PRDM1: variants seen among roughly 807,000 people sequenced by gnomAD.
PRDM1 encodes the protein PR/SET domain 1, also known as PR domain zinc finger protein 1.
PRDM1 carries 13 observed loss-of-function variants against 62.8 expected under a neutral mutation model. The observed-to-expected ratio is 0.21, with a 90% CI of 0.13 to 0.33. The LOEUF (loss-of-function observed/expected upper bound fraction) is 0.33, where lower values mean the gene tolerates loss of function less well. PRDM1 is among the 10% of genes least tolerant of loss of function. PRDM1 has a pLI of 1.00. For synonymous variants in PRDM1, 396 were observed against 417.6 expected (o/e 0.95, Z 0.63); for missense variants, 895 against 1,058.8 (o/e 0.85, Z 2.15).
intron 1 of PRDM1, among the ~76,000 whole-genome samples, chr6:106,022,926 A>G (rs1236494729): frequency 1.3e-5 from 2 of 152,218 alleles, no homozygotes; most frequent in Non-Finnish European, 2.9e-5. Context: ...ATACTAATTA[A>G]GGAGCTGTTC....
rs531524788 is a variant in PRDM1 at position 106,099,279 on chromosome 6, C to T, written c.412-21C>T. ...TTTGGGTCTGACTTCCTTTTACATG[C>T]CTGTCTTCTCTTTTGGACAGATCTA... is the stretch of plus-strand genomic sequence containing the variant. On this transcript the variant is annotated intron_variant, in intron 3 of 6. Coordinates refer to ENST00000369096, the MANE Select transcript of PRDM1 (RefSeq NM_001198.4). 1,294 of 1,613,116 alleles carry T rather than the reference C, an allele frequency of 8.0e-4. 25 individuals carry two copies. The South Asian group carries it at 0.013, about 17-fold the overall frequency.
At chr6:106,028,600 T>G (rs1158385536) in intron 1 of PRDM1, among the ~76,000 whole-genome samples, 1 of 152,222 alleles carries the variant, frequency 6.6e-6, no homozygotes, top group Non-Finnish European at 1.5e-5. Context: ...TATGATTCCA[T>G]TTTTGGCTTT....
At chr6:106,027,452 C>T (rs1772779490) in intron 1 of PRDM1, among the ~76,000 whole-genome samples, 1 of 152,140 alleles carries the variant, frequency 6.6e-6, no homozygotes, top group South Asian at 2.1e-4. Context: ...CGACAGAATG[C>T]GGATGGTCCG....
intron 1 of PRDM1, 192 bp from the exon 2 acceptor site, chr6:106,088,009 G>A: frequency 1.0e-5 from 2 of 200,308 alleles, no homozygotes; most frequent in Non-Finnish European, 1.8e-5. Context: ...TTAACTAAGA[G>A]TAGCATTTAA....
chr6:106,022,589 T>G (rs1195700329), intron 1 of PRDM1, among the ~76,000 whole-genome samples: 1 of 152,158 alleles, frequency 6.6e-6, no homozygotes, highest in Non-Finnish European at 1.5e-5. Flanking sequence ...CAAGCCTGGC[T>G]AATTTTTGTA....
intron 3 of PRDM1, chr6:106,098,847 A>T: frequency 6.5e-7 from 1 of 1,528,022 alleles, no homozygotes; most frequent in East Asian, 2.5e-5. Flanking sequence ...GAGGCCATAG[A>T]AAAAGCTAAG....
At chr6:106,065,781 G>C (rs1773423411) in intron 1 of PRDM1, among the ~76,000 whole-genome samples, 1 of 152,190 alleles carries the variant, frequency 6.6e-6, no homozygotes, top group Non-Finnish European at 1.5e-5. Flanking sequence ...CTGCTTCCAT[G>C]GATTGAACCC....
chr6:106,026,425 G>T (rs1267377839), intron 1 of PRDM1, among the ~76,000 whole-genome samples: 1 of 152,250 alleles, frequency 6.6e-6, no homozygotes, highest in Middle Eastern at 3.4e-3. Flanking sequence ...GTTGCAGCGA[G>T]CCAAGATCGT....
chr6:106,091,236 C>A (rs1278243417), intron 2 of PRDM1, among the ~76,000 whole-genome samples: 2 of 152,174 alleles, frequency 1.3e-5, no homozygotes, highest in Admixed American at 1.3e-4. Context: ...CTGTGAGTCT[C>A]ACCTCCCTGT....
At chr6:106,032,410 C>A (rs371370500) in intron 1 of PRDM1, among the ~76,000 whole-genome samples, 2 of 151,682 alleles carry the variant, frequency 1.3e-5, no homozygotes, top group African/African-American at 4.9e-5. Context: ...AGTGATCCAC[C>A]CTTCTCAGTC....
At position 106,104,360 on chromosome 6, in the gene PRDM1, C is replaced by T. The variant is rs1279988039; in HGVS notation, c.665-465C>T. Among the ~76,000 whole-genome samples, 5 of 152,058 alleles carry T rather than the reference C, an allele frequency of 3.3e-5. No individual in the cohort carries two copies. The East Asian group carries it at 5.8e-4, about 18-fold the overall frequency. ...CCAAGTAGCTGGGATTACAGGTGTG[C>T]GCCACCACGCCCAGCTAATTTTGTA... On this transcript the variant is annotated intron_variant, in intron 4 of 6. Coordinates refer to ENST00000369096, the MANE Select transcript of PRDM1 (RefSeq NM_001198.4).
chr6:106,047,255 T>C (rs187857310), upstream of PRDM1, among the ~76,000 whole-genome samples: 32 of 152,376 alleles, frequency 2.1e-4, 1 homozygote, highest in South Asian at 5.0e-3. Context: ...AAGTGCTACA[T>C]GTAGTTGTAC....
chr6:106,083,547 A>G (rs1417845726), upstream of PRDM1, among the ~76,000 whole-genome samples: 1 of 152,154 alleles, frequency 6.6e-6, no homozygotes, highest in Non-Finnish European at 1.5e-5. Flanking sequence ...TGGGAGAGGA[A>G]AAAAACTGGC....
chr6:105,994,938 T>G lies in PRDM1; in HGVS notation c.-67+1299T>G, dbSNP rs956249473. ...CCCGGCTTGCGGAGGGCTTGAGTTT[T>G]TTGGCGGAGACAGAGGAAAGCCTCT... is the stretch of plus-strand genomic sequence containing the variant. On this transcript the variant is annotated intron_variant, in intron 1 of 6. Coordinates refer to the PRDM1 transcript ENST00000652320. This position sits in a 1 kb window ranked among gnomAD's most constrained non-coding sequence, Gnocchi z 4.1. Among the ~76,000 whole-genome samples, 4 of 152,182 alleles carry G rather than the reference T, an allele frequency of 2.6e-5. No individual in the cohort carries two copies. The East Asian group carries it at 7.7e-4, about 29-fold the overall frequency.
chr6:106,054,040 A>G (rs775077527), intron 1 of PRDM1, among the ~76,000 whole-genome samples: 4 of 150,982 alleles, frequency 2.6e-5, no homozygotes, highest in Non-Finnish European at 5.9e-5. Flanking sequence ...TTTTTTTTTC[A>G]TGGAGACTAG....
At chr6:106,062,978 G>A (rs1278260611) in intron 1 of PRDM1, among the ~76,000 whole-genome samples, 4 of 152,188 alleles carry the variant, frequency 2.6e-5, no homozygotes, top group East Asian at 3.8e-4. Flanking sequence ...AAAGGGCGAA[G>A]GGGATGCCCT....
intron 1 of PRDM1, among the ~76,000 whole-genome samples, chr6:106,064,147 T>C (rs527406700): frequency 8.5e-5 from 13 of 152,348 alleles, no homozygotes; most frequent in Admixed American, 7.8e-4. Flanking sequence ...TAAACAGTAG[T>C]TGTCTAGAAG....
intron 3 of PRDM1, 148 bp downstream of exon 3, chr6:106,095,882 T>A: frequency 1.2e-6 from 1 of 820,368 alleles, no homozygotes; most frequent in Non-Finnish European, 1.9e-6. Flanking sequence ...CAGGGAATTC[T>A]GAACAAATGT....
intron 1 of PRDM1, among the ~76,000 whole-genome samples, chr6:106,029,206 A>C (rs1016437022): frequency 6.6e-6 from 1 of 152,122 alleles, no homozygotes; most frequent in Non-Finnish European, 1.5e-5. Flanking sequence ...GGCATGAGCC[A>C]CTGCACCCGG....
Sources: gnomAD v4.1 joint callset for allele counts (sites outside exome capture counted in the v4.1 genomes callset) on GRCh38, gnomAD v4.1.1 for gene constraint, Gnocchi (gnomAD v3.1) non-coding constraint, MANE v1.5 for transcripts, NCBI Gene and HGNC (gene_info 2026-07-23, HGNC 2026-07-21) for gene names.